Variants in SKAP2 observed in about 807,000 individuals in gnomAD.
SKAP2 encodes the protein src kinase-associated phosphoprotein 2.
SKAP2 carries 28 observed loss-of-function variants against 54.9 expected under a neutral mutation model. The observed-to-expected ratio is 0.51, with a 90% CI of 0.38 to 0.70. The LOEUF (loss-of-function observed/expected upper bound fraction) is 0.70. Among genes scored for constraint, SKAP2 ranks in the 30% least tolerant of loss-of-function variants. SKAP2 has a pLI of 0.00. For missense variants in SKAP2, 356 were observed against 424.1 expected, an observed-to-expected ratio of 0.84 and a Z score of 1.41; for synonymous variants, 137 against 134.3, an observed-to-expected ratio of 1.02 and a Z score of -0.14.
At chr7:26,690,918 G>A (rs987437450) in intron 9 of SKAP2, among the ~76,000 whole-genome samples, 6 of 152,042 alleles carry the variant, frequency 3.9e-5, no homozygotes, top group African/African-American at 7.2e-5. Context: ...AATTTCATAC[G>A]TTTTCTCAAT....
At chr7:26,815,169 G>A (rs1056283125) in intron 4 of SKAP2, among the ~76,000 whole-genome samples, 1 of 151,872 alleles carries the variant, frequency 6.6e-6, no homozygotes, top group Non-Finnish European at 1.5e-5. Flanking sequence ...GCCACTAATA[G>A]GGACTTCTAA....
intron 10 of SKAP2, among the ~76,000 whole-genome samples, chr7:26,685,146 T>C (rs1786602213): frequency 6.6e-6 from 1 of 152,146 alleles, no homozygotes; most frequent in African/African-American, 2.4e-5. Context: ...TGCTTCCCAC[T>C]TATTTTAAAT....
chr7:26,800,046 C>T (rs1015289744), intron 4 of SKAP2, among the ~76,000 whole-genome samples: 2 of 152,056 alleles, frequency 1.3e-5, no homozygotes, highest in Non-Finnish European at 2.9e-5. Flanking sequence ...ATGGCATGAA[C>T]CCAGGAGGTG....
intron 4 of SKAP2, among the ~76,000 whole-genome samples, chr7:26,793,080 A>G (rs1343897302): frequency 1.3e-5 from 2 of 152,208 alleles, no homozygotes; most frequent in African/African-American, 4.8e-5. Flanking sequence ...AGTGTTTGCT[A>G]GAAATCAGGG....
At chr7:26,794,103 AT>A (rs1222623344) in intron 4 of SKAP2, among the ~76,000 whole-genome samples, 1 of 152,188 alleles carries the variant, frequency 6.6e-6, no homozygotes, top group East Asian at 1.9e-4. Context: ...CAGGAGCCCA[AT>A]TTTTTTTAAG....
At chr7:26,755,654 C>T (rs898317181) in intron 4 of SKAP2, among the ~76,000 whole-genome samples, 2 of 152,174 alleles carry the variant, frequency 1.3e-5, no homozygotes, top group East Asian at 1.9e-4. Flanking sequence ...GTCTTCTCTT[C>T]ACTGCTGTAT....
intron 4 of SKAP2, among the ~76,000 whole-genome samples, chr7:26,798,085 A>G (rs552070676): frequency 1.3e-5 from 2 of 152,234 alleles, no homozygotes; most frequent in South Asian, 4.1e-4. Flanking sequence ...TCCAAGTACA[A>G]GAAGGTTATA....
At chr7:26,808,078 G>C (rs1784066211) in intron 4 of SKAP2, among the ~76,000 whole-genome samples, 1 of 152,080 alleles carries the variant, frequency 6.6e-6, no homozygotes, top group Non-Finnish European at 1.5e-5. Flanking sequence ...CTGAGGTATG[G>C]CTGTGATAAT....
At chr7:26,725,032 T>C (rs1047115473) in intron 9 of SKAP2, among the ~76,000 whole-genome samples, 2 of 152,186 alleles carry the variant, frequency 1.3e-5, no homozygotes, top group Middle Eastern at 3.4e-3. Flanking sequence ...GGGGTGTGCA[T>C]AGAACTTCTG....
rs745734107 is a variant in SKAP2, at chr7:26,864,462, C to G, written c.-33G>C. The G allele has an allele frequency of 1.3e-6, 2 of 1,578,710 alleles. No homozygotes were observed. Among genetic ancestry groups the G allele is most frequent in the Non-Finnish European group, 1.7e-6 (2 of 1,162,742 alleles). On this transcript the variant is annotated 5_prime_UTR_variant, in exon 1 of 13. Transcript: ENST00000345317. ...AGCGCAGGGCGTGCGGGGAAAGGACCTGCGCTGAAAAGGTGACCGACGGGG... is the reference window on the plus strand; with the variant it reads ...AGCGCAGGGCGTGCGGGGAAAGGACGTGCGCTGAAAAGGTGACCGACGGGG...
chr7:26,690,798 T>G (rs899283355), intron 9 of SKAP2, among the ~76,000 whole-genome samples: 3 of 152,218 alleles, frequency 2.0e-5, no homozygotes, highest in African/African-American at 7.2e-5. Flanking sequence ...TTGTACTGTG[T>G]GGCAGGAGTA....
At chr7:26,785,570 G>C (rs1017832920) in intron 4 of SKAP2, among the ~76,000 whole-genome samples, 1 of 152,176 alleles carries the variant, frequency 6.6e-6, no homozygotes, top group East Asian at 1.9e-4. Flanking sequence ...GAGGCCCACA[G>C]AGCATATGTC....
At chr7:26,686,480 C>T (rs1229292360) in intron 10 of SKAP2, among the ~76,000 whole-genome samples, 1 of 152,084 alleles carries the variant, frequency 6.6e-6, no homozygotes, top group Non-Finnish European at 1.5e-5. Context: ...ACTAACAATG[C>T]TTGTGGCCAC....
intron 4 of SKAP2, among the ~76,000 whole-genome samples, chr7:26,807,216 C>T (rs978434413): frequency 1.3e-5 from 2 of 152,166 alleles, no homozygotes; most frequent in South Asian, 2.1e-4. Flanking sequence ...TTAGGCGATA[C>T]AGCAGTGGCA....
intron 4 of SKAP2, among the ~76,000 whole-genome samples, chr7:26,842,367 A>G (rs916395551): frequency 1.3e-5 from 2 of 151,620 alleles, no homozygotes; most frequent in African/African-American, 4.8e-5. Flanking sequence ...AATATATGAT[A>G]AATTATTTAC....
intron 1 of SKAP2, among the ~76,000 whole-genome samples, chr7:26,860,305 C>T (rs1785250227): frequency 6.6e-6 from 1 of 152,138 alleles, no homozygotes; most frequent in Non-Finnish European, 1.5e-5. Flanking sequence ...ATTTTCCTAA[C>T]ACCACATCTT....
intron 6 of SKAP2, among the ~76,000 whole-genome samples, chr7:26,731,339 G>C (rs1477269600): frequency 6.6e-6 from 1 of 152,136 alleles, no homozygotes; most frequent in East Asian, 1.9e-4. Context: ...AATCACGGTA[G>C]AGAAGATAAA....
At chr7:26,670,982 G>T (rs942945155) in intron 11 of SKAP2, among the ~76,000 whole-genome samples, 5 of 152,000 alleles carry the variant, frequency 3.3e-5, no homozygotes, top group Admixed American at 3.3e-4. Context: ...CAGAGTGGTC[G>T]ATGAGTCACT....
At chr7:26,850,453 C>T (rs1785016025) in intron 3 of SKAP2, among the ~76,000 whole-genome samples, 1 of 151,618 alleles carries the variant, frequency 6.6e-6, no homozygotes, top group African/African-American at 2.4e-5. Flanking sequence ...ACCTATAGTC[C>T]CAGCTACTCA....
Sources: allele counts gnomAD v4.1 joint callset (sites outside exome capture counted in the v4.1 genomes callset), GRCh38; gene constraint gnomAD v4.1.1; transcripts MANE v1.5; gene names NCBI Gene and HGNC (gene_info 2026-07-23, HGNC 2026-07-21).